Variants in ABCD3 observed in about 807,000 individuals in gnomAD.
ABCD3 encodes the protein ATP-binding cassette sub-family D member 3.
Under a neutral mutation model 105.5 loss-of-function variants are expected in ABCD3, and 41 were observed. The ratio of observed to expected loss-of-function variants is 0.39; its 90% CI spans 0.30 to 0.50. The LOEUF (loss-of-function observed/expected upper bound fraction) is 0.50, where lower values mean the gene tolerates loss of function less well. ABCD3 is among the 20% of genes least tolerant of loss of function. The pLI is 0.84. For synonymous variants in ABCD3, 258 were observed against 269.0 expected, an observed-to-expected ratio of 0.96 and a Z score of 0.40; for missense variants, 622 against 806.3, an observed-to-expected ratio of 0.77 and a Z score of 2.77.
At chr1:94,386,010 A>T in the ABCD3 span, among the ~76,000 whole-genome samples, 2 of 145,768 alleles carry the variant, frequency 1.4e-5, no homozygotes, top group Admixed American at 1.4e-4. Flanking sequence ...TGAAGAGATT[A>T]CTTTTAGAAT....
intron 2 of ABCD3, among the ~76,000 whole-genome samples, chr1:94,460,058 A>G (rs916945413): frequency 1.3e-5 from 2 of 152,182 alleles, no homozygotes; most frequent in African/African-American, 4.8e-5. Flanking sequence ...AATAATAACA[A>G]TGCTGCTATG....
At chr1:94,509,102 G>T (rs1650514902) in intron 21 of ABCD3, among the ~76,000 whole-genome samples, 1 of 152,122 alleles carries the variant, frequency 6.6e-6, no homozygotes, top group African/African-American at 2.4e-5. Context: ...TGCCCATTCA[G>T]TATGATATTG....
chr1:94,441,685 T>G (rs1015999300), intron 1 of ABCD3, among the ~76,000 whole-genome samples: 3 of 152,150 alleles, frequency 2.0e-5, no homozygotes, highest in Non-Finnish European at 4.4e-5. Context: ...GTGCTTTCTA[T>G]GGACTGATAG....
intron 21 of ABCD3, among the ~76,000 whole-genome samples, chr1:94,511,662 C>T (rs1290557276): frequency 2.0e-5 from 3 of 152,064 alleles, no homozygotes; most frequent in African/African-American, 7.2e-5. Context: ...TTCACATAGT[C>T]CCATATTTCT....
chr1:94,510,302 G>T (rs1650595805), intron 21 of ABCD3, among the ~76,000 whole-genome samples: 1 of 152,122 alleles, frequency 6.6e-6, no homozygotes, highest in Non-Finnish European at 1.5e-5. Flanking sequence ...GAGTGGTTTT[G>T]AGTGAGTTTC....
At chr1:94,453,978 G>A (rs1413229274) in intron 1 of ABCD3, among the ~76,000 whole-genome samples, 2 of 149,292 alleles carry the variant, frequency 1.3e-5, no homozygotes, top group Non-Finnish European at 3.0e-5. Context: ...AAGGTTCTGA[G>A]CATTGCTTTA....
intron 10 of ABCD3, among the ~76,000 whole-genome samples, chr1:94,484,224 G>T (rs1396392316): frequency 1.3e-5 from 2 of 152,234 alleles, no homozygotes; most frequent in Non-Finnish European, 2.9e-5. Context: ...GTGGAAGACA[G>T]TGTGGCAATT....
intron 1 of ABCD3, among the ~76,000 whole-genome samples, chr1:94,438,250 G>A (rs548132597): frequency 4.7e-5 from 7 of 149,620 alleles, no homozygotes; most frequent in African/African-American, 1.5e-4. Context: ...TCACATCATT[G>A]CACTCCAGCC....
intron 16 of ABCD3, among the ~76,000 whole-genome samples, chr1:94,491,832 TA>T (rs1649548702): frequency 1.3e-5 from 2 of 152,162 alleles, no homozygotes; most frequent in Non-Finnish European, 2.9e-5. Flanking sequence ...GTACGATTTG[TA>T]AGACTCGCAG....
At position 94,466,007 on chromosome 1, in the gene ABCD3, C is replaced by T. The variant is rs917271978; in HGVS notation, c.246+1134C>T. Reference sequence around the variant, plus strand: ...ACATTCCTTCATCATGCTGGATTTGCTCTTTCCCTCACTTTGGCATCATCT... The same window carrying T: ...ACATTCCTTCATCATGCTGGATTTGTTCTTTCCCTCACTTTGGCATCATCT... On this transcript the variant is annotated intron_variant, in intron 3 of 22. Coordinates refer to ENST00000370214, the MANE Select transcript of ABCD3 (RefSeq NM_002858.4). Among the ~76,000 whole-genome samples, 7 of 152,154 alleles carry T rather than the reference C, an allele frequency of 4.6e-5. No homozygotes were observed. In the East Asian group the frequency reaches 1.2e-3, roughly 25 times the overall value.
At chr1:94,463,215 A>T (rs1244756746) in intron 2 of ABCD3, among the ~76,000 whole-genome samples, 1 of 152,206 alleles carries the variant, frequency 6.6e-6, no homozygotes, top group Non-Finnish European at 1.5e-5. Flanking sequence ...CTGTTCCAGC[A>T]GTTGCAGGGT....
chr1:94,442,127 A>G (rs2100916340), intron 1 of ABCD3, among the ~76,000 whole-genome samples: 1 of 152,318 alleles, frequency 6.6e-6, no homozygotes, highest in South Asian at 2.1e-4. Context: ...ATTTGTTAGA[A>G]CATTAATTGG....
the ABCD3 span, among the ~76,000 whole-genome samples, chr1:94,395,278 G>A: frequency 6.6e-6 from 1 of 152,132 alleles, no homozygotes; most frequent in Admixed American, 6.5e-5. Flanking sequence ...CATGAAAGGG[G>A]GCAATTAATG....
intron 1 of ABCD3, among the ~76,000 whole-genome samples, chr1:94,452,713 GTTTTTTTTGT>G (rs1388997635): frequency 6.6e-6 from 1 of 151,228 alleles, no homozygotes; most frequent in Non-Finnish European, 1.5e-5. Flanking sequence ...GGTGTCAATG[GTTTTTTTTGT>G]TTTTTTTTGT....
intron 21 of ABCD3, chr1:94,514,883 G>T: frequency 4.8e-6 from 2 of 417,498 alleles, no homozygotes; most frequent in South Asian, 3.4e-5. Context: ...CAATAAAATA[G>T]GAGACATGAT....
chr1:94,458,035 A>G (rs1218274512), intron 1 of ABCD3, among the ~76,000 whole-genome samples: 1 of 152,146 alleles, frequency 6.6e-6, no homozygotes, highest in African/African-American at 2.4e-5. Flanking sequence ...CCAGCTAATT[A>G]TATTGTTTTG....
At chr1:94,478,768 T>C (rs1648890700) in intron 8 of ABCD3, 1 of 755,152 alleles carries the variant, frequency 1.3e-6, no homozygotes, top group Non-Finnish European at 1.8e-6. Flanking sequence ...AAAAGAGATA[T>C]GGAGACATCC....
chr1:94,393,898 C>A, the ABCD3 span, among the ~76,000 whole-genome samples: 1 of 152,164 alleles, frequency 6.6e-6, no homozygotes, highest in Non-Finnish European at 1.5e-5. Flanking sequence ...CAGCCTGAAC[C>A]TGATGTAGAG....
At chr1:94,492,737 T>A (rs1391394383) in intron 16 of ABCD3, among the ~76,000 whole-genome samples, 8 of 152,116 alleles carry the variant, frequency 5.3e-5, no homozygotes. Flanking sequence ...TACCCTCACT[T>A]CTGTCTTTAT....
Sources: allele counts gnomAD v4.1 joint callset (sites outside exome capture counted in the v4.1 genomes callset), GRCh38; gene constraint gnomAD v4.1.1; transcripts MANE v1.5; gene names NCBI Gene and HGNC (gene_info 2026-07-23, HGNC 2026-07-21).